The following SYN3 variants were observed in gnomAD, a reference collection of about 807,000 sequenced individuals.
SYN3 encodes the protein synapsin-3.
In SYN3, 35 loss-of-function variants were observed where a neutral mutation model predicts 65.8. That is an observed-to-expected ratio of 0.53 (90% CI 0.41 to 0.70). SYN3 has a LOEUF of 0.70. Ranked by LOEUF, SYN3 falls within the 30% of genes least tolerant of loss-of-function variation. SYN3 has a pLI of 0.00. For synonymous variants in SYN3, 270 were observed against 292.9 expected, an observed-to-expected ratio of 0.92 and a Z score of 0.80; for missense variants, 680 against 749.0, an observed-to-expected ratio of 0.91 and a Z score of 1.08.
intron 6 of SYN3, among the ~76,000 whole-genome samples, chr22:32,611,612 T>C (rs2059447315): frequency 6.6e-6 from 1 of 152,042 alleles, no homozygotes; most frequent in Non-Finnish European, 1.5e-5. Context: ...TTTTGTACAA[T>C]TATTGGGGTG....
intron 3 of SYN3, among the ~76,000 whole-genome samples, chr22:32,966,247 G>A (rs961559758): frequency 1.3e-5 from 2 of 152,172 alleles, no homozygotes; most frequent in African/African-American, 4.8e-5. Context: ...GGCAGAGGAA[G>A]CAGCACAGAC....
At position 32,968,512 on chromosome 22, in the gene SYN3, T is replaced by C. The variant is rs73881921; in HGVS notation, c.369+12133A>G. Among the ~76,000 whole-genome samples the C allele has an allele frequency of 8.4e-3, 1,277 of 152,322 alleles. 28 individuals are homozygous for C. The highest frequency in any genetic ancestry group is 0.03 in the African/African-American group (1,241 of 41,570). On this transcript the variant is annotated intron_variant, in intron 3 of 13. Coordinates refer to ENST00000358763, the MANE Select transcript of SYN3 (RefSeq NM_003490.4). ...CTCTAGGACACAATTCTTAGTTGCA[T>C]GCCTTGCACTAATAGCCCACCCTGA...
chr22:32,744,926 G>A (rs1386428945), intron 6 of SYN3, among the ~76,000 whole-genome samples: 1 of 152,198 alleles, frequency 6.6e-6, no homozygotes, highest in Non-Finnish European at 1.5e-5. Flanking sequence ...TGTCCAGGAA[G>A]ACTTTCTGGA....
Position 32,559,630 on chromosome 22 carries a change from C to T in SYN3, c.775-17917G>A, listed in dbSNP as rs548246452. ...GATCACGAGGTCAGATCGAGACCATCCTGGCTAACACGGTGAAACCCCATC... is the reference window on the plus strand; with the variant it reads ...GATCACGAGGTCAGATCGAGACCATTCTGGCTAACACGGTGAAACCCCATC... On this transcript the variant is annotated intron_variant, in intron 7 of 13. Coordinates refer to ENST00000358763, the MANE Select transcript of SYN3 (RefSeq NM_003490.4). Among the ~76,000 whole-genome samples the T allele has an allele frequency of 1.4e-4, 21 of 148,994 alleles. No individual in the cohort carries two copies. The South Asian group carries it at 4.1e-3, about 29-fold the overall frequency.
intron 13 of SYN3, among the ~76,000 whole-genome samples, chr22:32,516,073 C>G (rs1366193154): frequency 1.3e-5 from 2 of 152,194 alleles, no homozygotes; most frequent in Non-Finnish European, 2.9e-5. Context: ...GTTGGGATTA[C>G]AGGCATGAGC....
intron 7 of SYN3, among the ~76,000 whole-genome samples, chr22:32,582,354 C>CT (rs35437184): frequency 7.3e-4 from 101 of 138,504 alleles, no homozygotes; most frequent in Non-Finnish European, 8.9e-4. Flanking sequence ...TGCATTCTCC[C>CT]TTTTTTTTTT....
chr22:32,834,021 C>A (rs531860116), intron 6 of SYN3, among the ~76,000 whole-genome samples: 1 of 152,104 alleles, frequency 6.6e-6, no homozygotes, highest in Non-Finnish European at 1.5e-5. Flanking sequence ...TGTGTTCATC[C>A]CTGGTACTCT....
At position 32,727,909 on chromosome 22, in the gene SYN3, T is replaced by C. The variant is rs915179078; in HGVS notation, c.712-131173A>G. ...TGTCAGATGGATAGATTGCAAGAACTTTCTCCCATTCTGCAGGGAGATACC... is the reference window on the plus strand; with the variant it reads ...TGTCAGATGGATAGATTGCAAGAACCTTCTCCCATTCTGCAGGGAGATACC... On this transcript the variant is annotated intron_variant, in intron 6 of 13. Transcript: ENST00000358763. Among the ~76,000 whole-genome samples the C allele has an allele frequency of 1.2e-4, 19 of 152,212 alleles. No individual in the cohort carries two copies. The East Asian group carries it at 3.7e-3, about 29-fold the overall frequency.
rs1601530100 is a variant in SYN3 at position 32,511,884 on chromosome 22, C to G, written c.*1808G>C. Among the ~76,000 whole-genome samples, 1 of 152,180 alleles carries G rather than the reference C, an allele frequency of 6.6e-6. No homozygotes were observed. Among genetic ancestry groups the G allele is most frequent in the African/African-American group, 2.4e-5 (1 of 41,430 alleles). On this transcript the variant is annotated 3_prime_UTR_variant, in exon 14 of 14. Transcript: ENST00000358763. ...CTGAATTATCCTGGGGTCTCTTGCTCTTAAATCCAGACCTGATCATGAGTG... is the reference window on the plus strand; with the variant it reads ...CTGAATTATCCTGGGGTCTCTTGCTGTTAAATCCAGACCTGATCATGAGTG...
intron 4 of SYN3, among the ~76,000 whole-genome samples, chr22:32,890,525 C>T (rs879929550): frequency 6.6e-5 from 10 of 152,158 alleles, no homozygotes; most frequent in East Asian, 1.9e-4. Context: ...GGACTACAGG[C>T]GCATGCCACC....
Position 32,740,276 on chromosome 22 carries a change from C to T in SYN3, c.711+124639G>A, listed in dbSNP as rs73156447. ...TTCTGTGCAGGTGCTAAACTGGGCCCGAGAGGTGCAATGTGGAACATGAAT... is the reference window on the plus strand; with the variant it reads ...TTCTGTGCAGGTGCTAAACTGGGCCTGAGAGGTGCAATGTGGAACATGAAT... On this transcript the variant is annotated intron_variant, in intron 6 of 13. Transcript: ENST00000358763. Among the ~76,000 whole-genome samples the T allele has an allele frequency of 3.5e-3, 533 of 152,194 alleles. 3 individuals are homozygous for T. Among genetic ancestry groups the T allele is most frequent in the East Asian group, 0.01 (53 of 5,180 alleles).
At chr22:32,582,322 T>G (rs1237752075) in intron 7 of SYN3, among the ~76,000 whole-genome samples, 1 of 150,926 alleles carries the variant, frequency 6.6e-6, no homozygotes, top group Non-Finnish European at 1.5e-5. Flanking sequence ...AGATTCAGAG[T>G]TGGCAGGTCT....
intron 6 of SYN3, among the ~76,000 whole-genome samples, chr22:32,830,771 G>C (rs747747592): frequency 1.6e-4 from 25 of 152,264 alleles, no homozygotes; most frequent in Admixed American, 7.2e-4. Context: ...TGGACCGTGA[G>C]TGTATCCGCC....
chr22:32,847,376 G>A (rs2048096588), intron 6 of SYN3, among the ~76,000 whole-genome samples: 1 of 152,182 alleles, frequency 6.6e-6, no homozygotes, highest in African/African-American at 2.4e-5. Flanking sequence ...TTTTACAGCA[G>A]ACTTGGAAAC....
At chr22:32,688,496 C>A (rs2076402347) in intron 6 of SYN3, among the ~76,000 whole-genome samples, 1 of 152,092 alleles carries the variant, frequency 6.6e-6, no homozygotes, top group African/African-American at 2.4e-5. Context: ...CCTGAAAACT[C>A]TTGATCCTCT....
At chr22:32,514,981 A>C (rs2057747297) in intron 13 of SYN3, among the ~76,000 whole-genome samples, 1 of 151,732 alleles carries the variant, frequency 6.6e-6, no homozygotes, top group Admixed American at 6.6e-5. Flanking sequence ...GCGCCACTGC[A>C]CTCTAGCCTG....
At position 32,840,566 on chromosome 22, in the gene SYN3, G is replaced by T. The variant is rs539681860; in HGVS notation, c.711+24349C>A. ...GGGTCATCATCTTCCTGGAAAGGCG[G>T]GAGATCGGCTCTGGCTTTGCTCAGA... is the stretch of plus-strand genomic sequence containing the variant. On this transcript the variant is annotated intron_variant, in intron 6 of 13. Transcript: ENST00000358763. Among the ~76,000 whole-genome samples the T allele has an allele frequency of 3.8e-3, 571 of 152,134 alleles. 2 individuals are homozygous for T. The highest frequency in any genetic ancestry group is 0.013 in the African/African-American group (542 of 41,500).
Position 32,510,084 on chromosome 22 carries a change from G to A in SYN3, c.*3608C>T, listed in dbSNP as rs919060312. Reference sequence around the variant, plus strand: ...CAAAGGACAGAATATAGGAATATGGGAGAATTTAGGCCATGTGGTCATTGT... The same window carrying A: ...CAAAGGACAGAATATAGGAATATGGAAGAATTTAGGCCATGTGGTCATTGT... On this transcript the variant is annotated 3_prime_UTR_variant, in exon 14 of 14. Coordinates refer to ENST00000358763, the MANE Select transcript of SYN3 (RefSeq NM_003490.4). Among the ~76,000 whole-genome samples, 2 of 152,184 alleles carry A rather than the reference G, an allele frequency of 1.3e-5. No individual in the cohort carries two copies. The highest frequency in any genetic ancestry group is 1.9e-4 in the East Asian group (1 of 5,190).
intron 4 of SYN3, among the ~76,000 whole-genome samples, chr22:32,893,370 A>G (rs1396250427): frequency 6.6e-6 from 1 of 152,210 alleles, no homozygotes; most frequent in Non-Finnish European, 1.5e-5. Context: ...AGAGACTCAC[A>G]TAGACAGAGA....
Sources: allele counts gnomAD v4.1 joint callset (sites outside exome capture counted in the v4.1 genomes callset), GRCh38; gene constraint gnomAD v4.1.1; transcripts MANE v1.5; gene names NCBI Gene and HGNC (gene_info 2026-07-23, HGNC 2026-07-21).